The following VWCE variants were observed in gnomAD, a reference collection of about 807,000 sequenced individuals.
VWCE encodes von Willebrand factor C and EGF domains, also known as von Willebrand factor C and EGF domain-containing protein.
In VWCE, 68 loss-of-function variants were observed where a neutral mutation model predicts 102.9. The ratio of observed to expected loss-of-function variants is 0.66; its 90% confidence interval spans 0.54 to 0.81. VWCE has a LOEUF of 0.81. VWCE is among the 30% of genes least tolerant of loss of function. The probability of loss-of-function intolerance (pLI) is 0.00; values close to 1 mark genes in which losing one functional copy is unlikely to be tolerated. For synonymous variants in VWCE, 497 were observed against 515.4 expected, an observed-to-expected ratio of 0.96 and a Z score of 0.48; for missense variants, 1,137 against 1,263.6, an observed-to-expected ratio of 0.90 and a Z score of 1.52.
chr11:61,264,192 C>T (rs1005489901), intron 19 of VWCE, among the ~76,000 whole-genome samples: 36 of 136,608 alleles, frequency 2.6e-4, no homozygotes, highest in Admixed American at 2.3e-3. Context: ...CGCCATTGCA[C>T]TCCAGCCTGG....
In VWCE at chr11:61,290,929, T is replaced by C. The variant is rs767313936; in HGVS notation, c.296-2A>G. 6.2e-7 allele frequency: 1 copy of C among 1,613,034 alleles called. No homozygotes were observed. The highest frequency in any genetic ancestry group is 8.5e-7 in the Non-Finnish European group (1 of 1,179,636). ...ACTCCCCACATGGTCCATGGGTTTCTAGAGCAGGCATCACACCAGTGAGCA... is the reference window on the plus strand; with the variant it reads ...ACTCCCCACATGGTCCATGGGTTTCCAGAGCAGGCATCACACCAGTGAGCA... On this transcript the variant is annotated splice_acceptor_variant, in intron 3 of 19. Coordinates refer to ENST00000335613, the MANE Select transcript of VWCE (RefSeq NM_152718.2). LOFTEE classifies it high-confidence loss of function.
intron 16 of VWCE, among the ~76,000 whole-genome samples, chr11:61,265,438 G>A (rs1422648179): frequency 6.6e-6 from 1 of 152,080 alleles, no homozygotes; most frequent in Non-Finnish European, 1.5e-5. Flanking sequence ...GTCCACGGAG[G>A]GCATCTGTTA....
intron 7 of VWCE, 39 bp downstream of exon 7, chr11:61,281,747 G>A (rs957930931): frequency 2.5e-6 from 4 of 1,584,602 alleles, no homozygotes; most frequent in Non-Finnish European, 3.4e-6. Context: ...CACTGAGGGG[G>A]CGTGGCCAGC....
At position 61,295,074 on chromosome 11, in the gene VWCE, T is replaced by A; in HGVS notation, c.-37A>T. 1 of 1,262,956 alleles carries A rather than the reference T, an allele frequency of 7.9e-7. No homozygotes were observed. The highest frequency in any genetic ancestry group is 3.0e-4 in the Middle Eastern group (1 of 3,324). The allele number at this position is 1,262,956 out of a possible 1,614,324, so 78.2% of individuals were successfully genotyped here. A position where few individuals can be genotyped will look rare whatever the true frequency, so the allele number is the denominator to read the frequency against. On this transcript the variant is annotated 5_prime_UTR_variant, in exon 1 of 20. Transcript: ENST00000335613. This position sits in a 1 kb window ranked among gnomAD's most constrained non-coding sequence, Gnocchi z 4.6. The stretch of plus-strand genomic sequence containing the variant: ...GCGGGTCCCCCGGGCTGGGCTCGGC[T>A]CCTGCGCCGCGCGCGGGAGAGGGGG...
intron 13 of VWCE, among the ~76,000 whole-genome samples, 175 bp from the exon 14 acceptor site, chr11:61,271,935 A>C (rs1404767568): frequency 6.6e-6 from 1 of 152,166 alleles, no homozygotes; most frequent in Non-Finnish European, 1.5e-5. Flanking sequence ...ATTCACACAG[A>C]TACACATACA....
At chr11:61,266,041 T>C (rs1232934930) in intron 16 of VWCE, among the ~76,000 whole-genome samples, 4 of 149,522 alleles carry the variant, frequency 2.7e-5, no homozygotes, top group Admixed American at 2.0e-4. Context: ...TGAGACTCTG[T>C]CTCAAAAAAA....
intron 12 of VWCE, 150 bp downstream of exon 12, chr11:61,274,349 G>A (rs1213016097): frequency 3.1e-6 from 2 of 650,834 alleles, no homozygotes; most frequent in Admixed American, 5.6e-5. Context: ...GGGAAGACCT[G>A]GGGGATCCCT....
intron 5 of VWCE, among the ~76,000 whole-genome samples, chr11:61,286,043 CCCA>C (rs1319747265): frequency 1.3e-5 from 2 of 152,214 alleles, no homozygotes; most frequent in Non-Finnish European, 2.9e-5. Flanking sequence ...TGTGAGTCAA[CCCA>C]CCAGGCCAGC....
chr11:61,280,506 A>C, intron 9 of VWCE, 118 bp downstream of exon 9: 2 of 1,035,438 alleles, frequency 1.9e-6, no homozygotes, highest in Non-Finnish European at 2.8e-6. Flanking sequence ...AGTGTGGCTT[A>C]GTAAACCCTC....
Position 61,295,251 on chromosome 11 carries a change from T to C in VWCE, c.-214A>G. On this transcript the variant is annotated 5_prime_UTR_variant, in exon 1 of 20. Coordinates refer to ENST00000335613, the MANE Select transcript of VWCE (RefSeq NM_152718.2). The surrounding 1 kb of genome is among the most constrained non-coding windows in gnomAD (Gnocchi z 4.6). Reference sequence around the variant, plus strand: ...GGCGGACGATTGTGGGGAGGGTCTCTGGCACCTCGAAGCGAAACACACAAA... The same window carrying C: ...GGCGGACGATTGTGGGGAGGGTCTCCGGCACCTCGAAGCGAAACACACAAA... The C allele has an allele frequency of 2.7e-6, 1 of 373,210 alleles. No individual in the cohort carries two copies. The allele number at this position is 373,210 out of a possible 1,614,324, so 23.1% of individuals were successfully genotyped here.
At chr11:61,271,957 GCA>G (rs1264927032) in intron 13 of VWCE, among the ~76,000 whole-genome samples, 197 bp from the exon 14 acceptor site, 8 of 151,868 alleles carry the variant, frequency 5.3e-5, no homozygotes, top group African/African-American at 1.4e-4. Context: ...TCATACAAAT[GCA>G]CACTTAAATA....
At chr11:61,290,772 C>T (rs1855478136) in intron 4 of VWCE, 27 bp downstream of exon 4, 1 of 1,586,228 alleles carries the variant, frequency 6.3e-7, no homozygotes, top group Non-Finnish European at 8.6e-7. Flanking sequence ...CCCCCTCCCC[C>T]TCCCCCACCA....
At chr11:61,292,389 G>A (rs1168127316) in intron 1 of VWCE, among the ~76,000 whole-genome samples, 1 of 152,156 alleles carries the variant, frequency 6.6e-6, no homozygotes, top group Non-Finnish European at 1.5e-5. Flanking sequence ...TGTGACATTA[G>A]ATTTTAATTT....
intron 4 of VWCE, among the ~76,000 whole-genome samples, chr11:61,288,717 T>C (rs1236802078): frequency 6.6e-6 from 1 of 152,188 alleles, no homozygotes; most frequent in African/African-American, 2.4e-5. Context: ...TTGGTTTTCC[T>C]ATCTGGAGGA....
rs1855543460 is a variant in VWCE, at chr11:61,292,717, C to A, written c.111-1141G>T. Among the ~76,000 whole-genome samples the A allele has an allele frequency of 2.6e-5, 4 of 152,252 alleles. No homozygotes were observed. In the South Asian group the frequency reaches 8.3e-4, roughly 32 times the overall value. On this transcript the variant is annotated intron_variant, in intron 1 of 19. Transcript: ENST00000335613. Reference sequence around the variant, plus strand: ...AGCCATAAACAAACTACTGCCCCCACCTTCAAGGAAAGTAGGGCAGACCAG... The same window carrying A: ...AGCCATAAACAAACTACTGCCCCCAACTTCAAGGAAAGTAGGGCAGACCAG...
intron 19 of VWCE, among the ~76,000 whole-genome samples, chr11:61,261,232 G>C (rs1388897312): frequency 6.7e-6 from 1 of 148,644 alleles, no homozygotes; most frequent in Non-Finnish European, 1.5e-5. Flanking sequence ...AAAAAAAAAA[G>C]AAGAAAGAGT....
intron 13 of VWCE, among the ~76,000 whole-genome samples, chr11:61,272,269 C>G (rs1373086577): frequency 6.6e-6 from 1 of 151,898 alleles, no homozygotes; most frequent in East Asian, 1.9e-4. Flanking sequence ...CACACTCATA[C>G]AAATACACTT....
At position 61,294,998 on chromosome 11, in the gene VWCE, G is replaced by T; in HGVS notation, c.40C>A (p.Leu14Ile). Residue 14 changes from leucine to isoleucine, a missense_variant, in exon 1 of 20, where the codon CTC becomes ATC. Physicochemically the swap from Leu to Ile is conservative, Grantham distance 5. Transcript: ENST00000335613. This position sits in a 1 kb window ranked among gnomAD's most constrained non-coding sequence, Gnocchi z 6.3. ...GLLLRAACVA[L>I]LLPGAPARGY... ...CGGGCTGGTGCCCCCGGCAGCAGGA[G>T]CGCGACACAGGCGGCCCGAAGGAGC... The T allele has an allele frequency of 6.8e-7, 1 of 1,473,586 alleles. No individual in the cohort carries two copies. Among genetic ancestry groups the T allele is most frequent in the Non-Finnish European group, 9.0e-7 (1 of 1,113,806 alleles). 91.3% of individuals were successfully genotyped at this position (1,473,586 alleles called of 1,614,324 possible). A position where few individuals can be genotyped will look rare whatever the true frequency, so the allele number is the denominator to read the frequency against.
At position 61,258,650 on chromosome 11, in the gene VWCE, G is replaced by C; in HGVS notation, c.*25C>G. 1 of 1,351,010 alleles carries C rather than the reference G, an allele frequency of 7.4e-7. No homozygotes were observed. The highest frequency in any genetic ancestry group is 9.6e-7 in the Non-Finnish European group (1 of 1,045,640). The allele number at this position is 1,351,010 out of a possible 1,614,324, so 83.7% of individuals were successfully genotyped here. ...GCCACTGGCAGAGGTCCTCTCTCCA[G>C]AGTCTCCCGGACACAGTGACCTCCT... On this transcript the variant is annotated 3_prime_UTR_variant, in exon 20 of 20. Transcript: ENST00000335613.
Sources: gnomAD v4.1 joint callset for allele counts (sites outside exome capture counted in the v4.1 genomes callset) on GRCh38, gnomAD v4.1.1 for gene constraint, Gnocchi (gnomAD v3.1) non-coding constraint, MANE v1.5 for transcripts, NCBI Gene and HGNC (gene_info 2026-07-23, HGNC 2026-07-21) for gene names.